Variants in PDCD1LG2 observed in about 807,000 individuals in gnomAD.
PDCD1LG2 encodes B7 dendritic cell molecule.
In PDCD1LG2, 32 loss-of-function variants were observed where a neutral mutation model predicts 28.2. That is an observed-to-expected ratio of 1.13 (90% CI 0.86 to 1.52). PDCD1LG2 has a LOEUF of 1.52. Ranked by LOEUF, PDCD1LG2 falls within the 40% of genes most tolerant of loss-of-function variation. The probability of loss-of-function intolerance (pLI) is 0.00; values close to 1 mark genes in which losing one functional copy is unlikely to be tolerated. For synonymous variants in PDCD1LG2, 116 were observed against 120.2 expected (o/e 0.97, Z 0.23); for missense variants, 385 against 323.8 (o/e 1.19, Z -1.45).
chr9:5,531,086 C>G (rs1275385861), intron 2 of PDCD1LG2, among the ~76,000 whole-genome samples: 1 of 152,204 alleles, frequency 6.6e-6, no homozygotes, highest in Non-Finnish European at 1.5e-5. Flanking sequence ...CTGACCTCAT[C>G]TCCAAAATAA....
intron 2 of PDCD1LG2, among the ~76,000 whole-genome samples, chr9:5,523,777 C>T (rs1308401345): frequency 1.3e-5 from 2 of 152,176 alleles, no homozygotes; most frequent in Non-Finnish European, 2.9e-5. Flanking sequence ...TGTTCCCCAT[C>T]CTGTGGCAGG....
At chr9:5,566,086 T>C (rs1816660317) in intron 6 of PDCD1LG2, among the ~76,000 whole-genome samples, 3 of 151,594 alleles carry the variant, frequency 2.0e-5, no homozygotes, top group Admixed American at 2.0e-4. Flanking sequence ...AACCATCCAT[T>C]ATGAGGAGAG....
chr9:5,555,572 G>T (rs6476989), intron 4 of PDCD1LG2, among the ~76,000 whole-genome samples: 23,701 of 152,110 alleles, frequency 0.16, 2,389 homozygotes, highest in African/African-American at 0.28. Context: ...AGTATCTTTC[G>T]TTCCATGTAA....
At chr9:5,541,212 T>C (rs1020500031) in intron 3 of PDCD1LG2, among the ~76,000 whole-genome samples, 1 of 152,180 alleles carries the variant, frequency 6.6e-6, no homozygotes, top group Non-Finnish European at 1.5e-5. Context: ...GGAACATATC[T>C]TAAGGTAATA....
intron 6 of PDCD1LG2, among the ~76,000 whole-genome samples, chr9:5,568,158 T>C (rs569206295): frequency 2.0e-5 from 3 of 152,198 alleles, no homozygotes; most frequent in South Asian, 4.1e-4. Flanking sequence ...GAAATTAGAG[T>C]GGAGGACATA....
Position 5,570,300 on chromosome 9 carries a change from T to C in PDCD1LG2, c.*341T>C, listed in dbSNP as rs946070423. 2 of 287,172 alleles carry C rather than the reference T, an allele frequency of 7.0e-6. No individual in the cohort carries two copies. The highest frequency in any genetic ancestry group is 1.3e-5 in the Non-Finnish European group (2 of 152,260). 17.8% of individuals were successfully genotyped at this position (287,172 alleles called of 1,614,324 possible). On this transcript the variant is annotated 3_prime_UTR_variant, in exon 7 of 7. Transcript: ENST00000397747. ...AAAGGAATTATTTCCCCTCAAGTTT[T>C]CTAAGTGATTTCCAAAAGCAGAGGT...
In PDCD1LG2 at chr9:5,534,922, A is replaced by C. The variant is rs2129794491; in HGVS notation, c.233A>C (p.Glu78Ala). 6.2e-7 allele frequency: 1 copy of C among 1,614,128 alleles called. No homozygotes were observed. Among genetic ancestry groups the C allele is most frequent in the Middle Eastern group, 1.6e-4 (1 of 6,062 alleles). The change falls in exon 3 of 7, where the codon GAG becomes GCG. Residue 78 changes from glutamate to alanine, a missense_variant. Coordinates refer to ENST00000397747, the MANE Select transcript of PDCD1LG2 (RefSeq NM_025239.4). The part of the protein sequence containing the change: ...PHRERATLLE[E>A]QLPLGKASFH... The stretch of plus-strand genomic sequence containing the variant: ...CGTGAAAGAGCCACTTTGCTGGAGG[A>C]GCAGCTGCCCCTAGGGAAGGCCTCG...
At chr9:5,525,744 T>C (rs116039081) in intron 2 of PDCD1LG2, among the ~76,000 whole-genome samples, 2,574 of 152,006 alleles carry the variant, frequency 0.017, 78 homozygotes, top group African/African-American at 0.058. Flanking sequence ...ATATAGAAGA[T>C]AAAGCTTAAA....
At chr9:5,560,318 G>T (rs181348301) in intron 5 of PDCD1LG2, among the ~76,000 whole-genome samples, 1 of 152,292 alleles carries the variant, frequency 6.6e-6, no homozygotes, top group Admixed American at 6.5e-5. Flanking sequence ...AGCTTACTTA[G>T]CCCACAGGGC....
intron 3 of PDCD1LG2, among the ~76,000 whole-genome samples, chr9:5,538,884 T>C (rs1194917422): frequency 6.6e-6 from 1 of 152,084 alleles, no homozygotes; most frequent in African/African-American, 2.4e-5. Context: ...ATGGGATACA[T>C]AGTGATGTTT....
At chr9:5,557,874 A>T in intron 5 of PDCD1LG2, 122 bp downstream of exon 5, 1 of 1,206,768 alleles carries the variant, frequency 8.3e-7, no homozygotes, top group South Asian at 1.4e-5. Context: ...CTTATGAACC[A>T]CTTTGAGCTT....
intron 6 of PDCD1LG2, among the ~76,000 whole-genome samples, chr9:5,566,837 A>G (rs1816676236): frequency 1.3e-5 from 2 of 152,210 alleles, no homozygotes; most frequent in Admixed American, 6.5e-5. Context: ...AAAAAAATAG[A>G]AAATTGCAAA....
intron 3 of PDCD1LG2, among the ~76,000 whole-genome samples, chr9:5,538,682 T>C (rs1302462537): frequency 1.3e-5 from 2 of 150,556 alleles, no homozygotes; most frequent in South Asian, 2.1e-4. Flanking sequence ...AGCGAGACTC[T>C]GTCTCAAAAA....
chr9:5,514,132 A>G (rs1820111458), intron 1 of PDCD1LG2, among the ~76,000 whole-genome samples: 1 of 152,232 alleles, frequency 6.6e-6, no homozygotes, highest in Admixed American at 6.5e-5. Flanking sequence ...ACACAAAGGA[A>G]TGATTTGCTA....
chr9:5,544,102 A>G (rs567893774), intron 3 of PDCD1LG2, among the ~76,000 whole-genome samples: 1 of 152,366 alleles, frequency 6.6e-6, no homozygotes, highest in South Asian at 2.1e-4. Flanking sequence ...TTATTTCAGA[A>G]ATTACAGCAT....
chr9:5,526,696 C>T (rs2129750291), intron 2 of PDCD1LG2, among the ~76,000 whole-genome samples: 1 of 152,246 alleles, frequency 6.6e-6, no homozygotes, highest in East Asian at 1.9e-4. Flanking sequence ...CCCCAGCCTC[C>T]CAAAGCACTG....
At chr9:5,534,692 C>A (rs2129791137) in intron 2 of PDCD1LG2, 53 bp from the exon 3 acceptor site, 1 of 1,504,818 alleles carries the variant, frequency 6.6e-7, no homozygotes, top group Non-Finnish European at 9.0e-7. Context: ...TTCGTAAGAA[C>A]TGGAATGTAA....
chr9:5,518,928 A>C (rs1056999274), intron 1 of PDCD1LG2, among the ~76,000 whole-genome samples: 1 of 152,214 alleles, frequency 6.6e-6, no homozygotes, highest in Non-Finnish European at 1.5e-5. Context: ...ACTGTGTTTT[A>C]AAATATAGGT....
At chr9:5,546,078 T>G (rs1319424003) in intron 3 of PDCD1LG2, among the ~76,000 whole-genome samples, 1 of 152,188 alleles carries the variant, frequency 6.6e-6, no homozygotes, top group African/African-American at 2.4e-5. Flanking sequence ...TGCAAAAATG[T>G]AGGATGTGGG....
Sources: allele counts gnomAD v4.1 joint callset (sites outside exome capture counted in the v4.1 genomes callset), GRCh38; gene constraint gnomAD v4.1.1; transcripts MANE v1.5; gene names NCBI Gene and HGNC (gene_info 2026-07-23, HGNC 2026-07-21).